The following RBP7 variants were observed in gnomAD, a reference collection of about 807,000 sequenced individuals.
The protein encoded by RBP7 is retinol binding protein 7.
In RBP7, 13 loss-of-function variants were observed where a neutral mutation model predicts 16.7. The observed-to-expected ratio is 0.78, with a 90% confidence interval of 0.51 to 1.24. The LOEUF is 1.24. Ranked by LOEUF, RBP7 falls within the 50% of genes most tolerant of loss-of-function variation. The pLI, the probability that RBP7 is intolerant of heterozygous loss-of-function variation, is 0.00. For missense variants in RBP7, 145 were observed against 159.5 expected (o/e 0.91, Z 0.49); for synonymous variants, 54 against 56.2 (o/e 0.96, Z 0.17).
At chr1:10,007,433 GATTT>G in intron 1 of RBP7, 133 bp from the exon 2 acceptor site, 1 of 712,180 alleles carries the variant, frequency 1.4e-6, no homozygotes, top group Non-Finnish European at 2.3e-6. Flanking sequence ...TTGTAGATCT[GATTT>G]TGGCAGCAAA....
intron 1 of RBP7, among the ~76,000 whole-genome samples, chr1:10,003,148 C>T (rs543400429): frequency 3.9e-5 from 6 of 152,260 alleles, no homozygotes; most frequent in South Asian, 4.1e-4. Context: ...ACCCGTTAGC[C>T]GGGCATGGTG....
At chr1:10,005,281 A>G (rs1043738759) in intron 1 of RBP7, among the ~76,000 whole-genome samples, 19 of 152,210 alleles carry the variant, frequency 1.2e-4, no homozygotes, top group African/African-American at 4.6e-4. Flanking sequence ...GCTCGACCTC[A>G]GCTCACTGCA....
intron 1 of RBP7, among the ~76,000 whole-genome samples, chr1:10,005,216 C>T (rs1327180062): frequency 6.6e-6 from 1 of 151,884 alleles, no homozygotes. Context: ...TTTGTTTGTT[C>T]ATTTGTTTGT....
intron 1 of RBP7, among the ~76,000 whole-genome samples, chr1:10,002,929 C>T (rs1642320136): frequency 6.6e-6 from 1 of 152,160 alleles, no homozygotes; most frequent in Admixed American, 6.6e-5. Context: ...ACTCCAGAAG[C>T]CAGAAGCGGG....
intron 2 of RBP7, 97 bp from the exon 3 acceptor site, chr1:10,008,076 T>G: frequency 2.7e-6 from 2 of 739,976 alleles, no homozygotes; most frequent in Non-Finnish European, 4.6e-6. Flanking sequence ...AAGCAGTAAG[T>G]AGGCTGTTGA....
At chr1:10,002,110 G>A (rs1233578374) in intron 1 of RBP7, among the ~76,000 whole-genome samples, 1 of 152,096 alleles carries the variant, frequency 6.6e-6, no homozygotes. Flanking sequence ...TTACAGGCAT[G>A]AGCCACCACA....
At chr1:10,014,264 G>A (rs1029150569) in intron 3 of RBP7, among the ~76,000 whole-genome samples, 5 of 152,114 alleles carry the variant, frequency 3.3e-5, no homozygotes, top group South Asian at 2.1e-4. Flanking sequence ...CATGTTGAAC[G>A]GTGAACATTC....
At chr1:9,999,606 G>C (rs186034491) in intron 1 of RBP7, among the ~76,000 whole-genome samples, 1 of 151,988 alleles carries the variant, frequency 6.6e-6, no homozygotes, top group Non-Finnish European at 1.5e-5. Context: ...TATCAGCAGC[G>C]TGAAAATGGA....
chr1:10,010,929 A>G (rs1418688589), intron 3 of RBP7, among the ~76,000 whole-genome samples: 1 of 152,070 alleles, frequency 6.6e-6, no homozygotes, highest in East Asian at 1.9e-4. Flanking sequence ...TGGTTTTGCC[A>G]TGTTGGCCAG....
intron 1 of RBP7, among the ~76,000 whole-genome samples, chr1:10,000,555 C>G (rs1317837867): frequency 7.3e-6 from 1 of 137,532 alleles, no homozygotes; most frequent in South Asian, 2.3e-4. Flanking sequence ...GTCAATAAGA[C>G]AAAAAAAAAA....
intron 1 of RBP7, among the ~76,000 whole-genome samples, chr1:9,998,206 G>A (rs1187659852): frequency 6.6e-6 from 1 of 152,004 alleles, no homozygotes; most frequent in African/African-American, 2.4e-5. Flanking sequence ...TGGTCAGGCT[G>A]GTGTCCAACT....
intron 1 of RBP7, among the ~76,000 whole-genome samples, chr1:10,001,998 T>A (rs1642291945): frequency 6.6e-6 from 1 of 151,930 alleles, no homozygotes; most frequent in Non-Finnish European, 1.5e-5. Context: ...CCCGTTAATT[T>A]TATATTTTTA....
At chr1:10,003,517 C>A (rs1642337509) in intron 1 of RBP7, among the ~76,000 whole-genome samples, 1 of 152,190 alleles carries the variant, frequency 6.6e-6, no homozygotes, top group Non-Finnish European at 1.5e-5. Flanking sequence ...GACTACAAAA[C>A]TGCCCTGAGC....
chr1:10,010,417 G>A (rs1642582320), intron 3 of RBP7, among the ~76,000 whole-genome samples: 1 of 150,048 alleles, frequency 6.7e-6, no homozygotes, highest in South Asian at 2.1e-4. Context: ...TGCCTGGCCT[G>A]TTTTTGTTTG....
At chr1:10,010,827 G>A (rs963849021) in intron 3 of RBP7, among the ~76,000 whole-genome samples, 3 of 151,812 alleles carry the variant, frequency 2.0e-5, no homozygotes, top group African/African-American at 7.3e-5. Context: ...CAGGTGATCC[G>A]CCCACCTCGG....
intron 1 of RBP7, among the ~76,000 whole-genome samples, chr1:10,005,622 C>T (rs1375805638): frequency 2.0e-5 from 3 of 148,756 alleles, no homozygotes; most frequent in Non-Finnish European, 3.0e-5. Flanking sequence ...GGAGTGCAGT[C>T]GCACGATCTC....
intron 1 of RBP7, among the ~76,000 whole-genome samples, chr1:10,001,020 T>C (rs1026063922): frequency 1.3e-5 from 2 of 152,080 alleles, no homozygotes; most frequent in African/African-American, 2.4e-5. Flanking sequence ...AGGCGTGAGC[T>C]ACCGTGCCTG....
intron 3 of RBP7, among the ~76,000 whole-genome samples, chr1:10,010,366 T>C (rs1283682123): frequency 6.6e-6 from 1 of 152,124 alleles, no homozygotes; most frequent in African/African-American, 2.4e-5. Context: ...TCCACCCGCC[T>C]CTGCCTCCCA....
intron 3 of RBP7, among the ~76,000 whole-genome samples, chr1:10,014,407 A>G (rs1177247506): frequency 2.2e-5 from 3 of 138,812 alleles, no homozygotes; most frequent in African/African-American, 5.5e-5. Flanking sequence ...TTTTTTTGAG[A>G]TGGAGTCTTG....
Sources: gnomAD v4.1 joint callset for allele counts (sites outside exome capture counted in the v4.1 genomes callset) on GRCh38, gnomAD v4.1.1 for gene constraint, MANE v1.5 for transcripts, NCBI Gene and HGNC (gene_info 2026-07-23, HGNC 2026-07-21) for gene names.